Variants in TRDN observed in about 807,000 individuals in gnomAD.
TRDN encodes triadin in skeletal muscle.
A neutral mutation model predicts 149.7 loss-of-function variants in TRDN; 161 were observed. That is an observed-to-expected ratio of 1.08 (90% CI 0.95 to 1.23). The LOEUF (loss-of-function observed/expected upper bound fraction) is 1.23. Among genes scored for constraint, TRDN ranks in the 50% most tolerant of loss-of-function variants. The probability of loss-of-function intolerance (pLI) is 0.00; values close to 1 mark genes in which losing one functional copy is unlikely to be tolerated. For missense variants in TRDN, 896 were observed against 823.5 expected, an observed-to-expected ratio of 1.09 and a Z score of -1.08; for synonymous variants, 294 against 250.5, an observed-to-expected ratio of 1.17 and a Z score of -1.64.
At chr6:123,285,624 T>C (rs1423956306) in intron 24 of TRDN, among the ~76,000 whole-genome samples, 1 of 152,098 alleles carries the variant, frequency 6.6e-6, no homozygotes, top group Non-Finnish European at 1.5e-5. Flanking sequence ...GACATTGGCT[T>C]AGGAAAAGAC....
chr6:123,468,930 G>T (rs750276411), intron 9 of TRDN: 2 of 152,034 alleles, frequency 1.3e-5, no homozygotes, highest in Non-Finnish European at 2.9e-5. Flanking sequence ...GGACTGGAAA[G>T]GTATGAGGAC....
chr6:123,507,887 A>G (rs955396780), intron 7 of TRDN, among the ~76,000 whole-genome samples: 1 of 152,134 alleles, frequency 6.6e-6, no homozygotes, highest in African/African-American at 2.4e-5. Context: ...TCCCTCAAGA[A>G]ACATACTACA....
chr6:123,514,617 G>T (rs1321289944), intron 6 of TRDN, among the ~76,000 whole-genome samples: 2 of 130,692 alleles, frequency 1.5e-5, no homozygotes, highest in African/African-American at 6.0e-5. Context: ...TAGATGAAGG[G>T]TATACATACC....
chr6:123,395,939 A>G (rs1295653578), intron 12 of TRDN, among the ~76,000 whole-genome samples: 1 of 152,214 alleles, frequency 6.6e-6, no homozygotes, highest in Non-Finnish European at 1.5e-5. Context: ...AATAGAAATT[A>G]ACAGTTTAAA....
intron 1 of TRDN, among the ~76,000 whole-genome samples, chr6:123,618,176 C>T (rs1181026405): frequency 6.6e-6 from 1 of 152,106 alleles, no homozygotes. Flanking sequence ...TAACATAGTA[C>T]CACAAATTTA....
At chr6:123,625,870 T>A (rs1785636137) in intron 1 of TRDN, among the ~76,000 whole-genome samples, 1 of 152,152 alleles carries the variant, frequency 6.6e-6, no homozygotes, top group East Asian at 1.9e-4. Context: ...CTGATCAGGG[T>A]GATGGTTGCT....
Position 123,266,378 on chromosome 6 carries a change from T to A in TRDN, c.1784-1040A>T, listed in dbSNP as rs1776976199. Among the ~76,000 whole-genome samples the A allele has an allele frequency of 1.8e-5, 2 of 111,426 alleles. 1 individual carries two copies. The highest frequency in any genetic ancestry group is 3.3e-5 in the Non-Finnish European group (2 of 61,504). 73.1% of individuals were successfully genotyped at this position (111,426 alleles called of 152,430 possible). A position where few individuals can be genotyped will look rare whatever the true frequency, so the allele number is the denominator to read the frequency against. ...TATATATTATGATATGTATTATATA[T>A]AATATATATATTATGATATGTATTA... is the stretch of plus-strand genomic sequence containing the variant. On this transcript the variant is annotated intron_variant, in intron 32 of 40. Coordinates refer to ENST00000334268, the MANE Select transcript of TRDN (RefSeq NM_006073.4).
At chr6:123,570,341 G>A (rs1782502079) in intron 2 of TRDN, among the ~76,000 whole-genome samples, 1 of 152,030 alleles carries the variant, frequency 6.6e-6, no homozygotes, top group South Asian at 2.1e-4. Flanking sequence ...AATAAATACA[G>A]TTTAAAATAT....
Position 123,337,582 on chromosome 6 carries a change from A to T in TRDN, c.1420+37T>A, listed in dbSNP as rs563637259. The T allele has an allele frequency of 5.2e-4, 548 of 1,063,590 alleles. 2 individuals carry two copies. The African/African-American group carries it at 8.0e-3, about 15-fold the overall frequency. The allele number at this position is 1,063,590 out of a possible 1,614,324, so 65.9% of individuals were successfully genotyped here. A position where few individuals can be genotyped will look rare whatever the true frequency, so the allele number is the denominator to read the frequency against. On this transcript the variant is annotated intron_variant, in intron 22 of 40. Transcript: ENST00000334268. ...TGTTCTCAATAATATATATTTCCTAATAAATTTGTAATATTATATTAAATT... is the reference window on the plus strand; with the variant it reads ...TGTTCTCAATAATATATATTTCCTATTAAATTTGTAATATTATATTAAATT...
At chr6:123,575,418 A>C (rs1782802670) in intron 1 of TRDN, among the ~76,000 whole-genome samples, 1 of 152,060 alleles carries the variant, frequency 6.6e-6, no homozygotes, top group African/African-American at 2.4e-5. Flanking sequence ...GTGATCTGAG[A>C]TTATTTAATG....
At chr6:123,232,419 C>T (rs1281570437) in intron 38 of TRDN, among the ~76,000 whole-genome samples, 1 of 151,902 alleles carries the variant, frequency 6.6e-6, no homozygotes, top group Admixed American at 6.6e-5. Context: ...GATATCCAAG[C>T]TGCATGGAAT....
intron 35 of TRDN, among the ~76,000 whole-genome samples, chr6:123,259,346 G>A (rs996808785): frequency 2.0e-5 from 3 of 152,062 alleles, no homozygotes; most frequent in Non-Finnish European, 2.9e-5. Context: ...CAGTTCAGTA[G>A]TAATATGAAA....
At chr6:123,589,118 T>G (rs912794463) in intron 1 of TRDN, among the ~76,000 whole-genome samples, 1 of 152,206 alleles carries the variant, frequency 6.6e-6, no homozygotes, top group Non-Finnish European at 1.5e-5. Flanking sequence ...GGAAGTCTCA[T>G]GCAGTAAGAT....
intron 12 of TRDN, among the ~76,000 whole-genome samples, chr6:123,407,541 T>C (rs1773245795): frequency 6.6e-6 from 1 of 152,104 alleles, no homozygotes; most frequent in Non-Finnish European, 1.5e-5. Flanking sequence ...AGAGACATGT[T>C]TCTATCTCTC....
At chr6:123,269,169 G>A (rs1777119595) in intron 31 of TRDN, among the ~76,000 whole-genome samples, 1 of 151,874 alleles carries the variant, frequency 6.6e-6, no homozygotes, top group African/African-American at 2.4e-5. Flanking sequence ...ACCACAGTGG[G>A]TAAATATTTA....
At chr6:123,397,951 A>C (rs1053714516) in intron 12 of TRDN, among the ~76,000 whole-genome samples, 5 of 152,348 alleles carry the variant, frequency 3.3e-5, no homozygotes, top group African/African-American at 1.2e-4. Flanking sequence ...AAACAGCTTT[A>C]AAGCTGTCTC....
At chr6:123,559,682 T>C (rs1157991124) in intron 2 of TRDN, among the ~76,000 whole-genome samples, 1 of 152,152 alleles carries the variant, frequency 6.6e-6, no homozygotes. Context: ...ACAGCATGGC[T>C]TTTAAAGCCT....
At chr6:123,443,517 G>T (rs996563785) in intron 10 of TRDN, among the ~76,000 whole-genome samples, 4 of 152,164 alleles carry the variant, frequency 2.6e-5, no homozygotes, top group Non-Finnish European at 4.4e-5. Context: ...GCCTGGCTGG[G>T]CACGGTGGCT....
At chr6:123,504,135 C>G (rs1778816087) in intron 7 of TRDN, among the ~76,000 whole-genome samples, 1 of 151,770 alleles carries the variant, frequency 6.6e-6, no homozygotes, top group Admixed American at 6.6e-5. Flanking sequence ...ATTAGATAGA[C>G]TACTAAAAGT....
Sources: allele counts gnomAD v4.1 joint callset (sites outside exome capture counted in the v4.1 genomes callset), GRCh38; gene constraint gnomAD v4.1.1; transcripts MANE v1.5; gene names NCBI Gene and HGNC (gene_info 2026-07-23, HGNC 2026-07-21).